The following GIGYF2 variants were observed in gnomAD, a reference collection of about 807,000 sequenced individuals.
The protein encoded by GIGYF2 is GRB10 interacting GYF protein 2, also known as GRB10-interacting GYF protein 2.
In GIGYF2, 25 loss-of-function variants were observed where a neutral mutation model predicts 208.1. The observed-to-expected ratio is 0.12, with a 90% confidence interval of 0.09 to 0.17. GIGYF2 has a LOEUF of 0.17. Among genes scored for constraint, GIGYF2 ranks in the 10% least tolerant of loss-of-function variants. The pLI, the probability that GIGYF2 is intolerant of heterozygous loss-of-function variation, is 1.00. For missense variants in GIGYF2, 1,302 were observed against 1,579.4 expected, an observed-to-expected ratio of 0.82 and a Z score of 2.98; for synonymous variants, 534 against 543.8, an observed-to-expected ratio of 0.98 and a Z score of 0.25.
intron 14 of GIGYF2, among the ~76,000 whole-genome samples, chr2:232,800,581 CTTTTTTTCTTTTT>C (rs144819526): frequency 0.35 from 52,655 of 149,800 alleles, 9,476 homozygotes; most frequent in South Asian, 0.63. Context: ...TTTTTCTTTT[CTTTTTTTCTTTTT>C]TTTTTTTTAA....
At chr2:232,829,315 A>C (rs1228124125) in intron 21 of GIGYF2, among the ~76,000 whole-genome samples, 1 of 152,148 alleles carries the variant, frequency 6.6e-6, no homozygotes, top group Non-Finnish European at 1.5e-5. Flanking sequence ...TAAGGTTGCC[A>C]TTCTAGTAGT....
chr2:232,801,834 G>A (rs1700408447), intron 14 of GIGYF2, among the ~76,000 whole-genome samples: 1 of 152,178 alleles, frequency 6.6e-6, no homozygotes, highest in Non-Finnish European at 1.5e-5. Flanking sequence ...GATTTTAATA[G>A]GGATTATCTT....
chr2:232,699,909 A>T (rs1302505459), intron 1 of GIGYF2, among the ~76,000 whole-genome samples: 1 of 152,146 alleles, frequency 6.6e-6, no homozygotes, highest in African/African-American at 2.4e-5. Context: ...TTATTCCTCC[A>T]CTTTTACCTT....
intron 23 of GIGYF2, among the ~76,000 whole-genome samples, chr2:232,840,572 G>A (rs1701785845): frequency 6.6e-6 from 1 of 152,094 alleles, no homozygotes; most frequent in South Asian, 2.1e-4. Flanking sequence ...TGTTTACTGA[G>A]TACCTACTCA....
intron 27 of GIGYF2, among the ~76,000 whole-genome samples, chr2:232,849,812 A>AG (rs1574954254): frequency 6.6e-6 from 1 of 152,222 alleles, no homozygotes; most frequent in African/African-American, 2.4e-5. Context: ...GATAGGAATA[A>AG]GGTACACGAC....
chr2:232,836,320 A>T (rs1288527069), intron 22 of GIGYF2, among the ~76,000 whole-genome samples: 22 of 26,492 alleles, frequency 8.3e-4, no homozygotes, highest in African/African-American at 2.3e-3. Flanking sequence ...ATATATATAT[A>T]TATATATATA....
At chr2:232,796,832 C>T (rs1700236451) in intron 14 of GIGYF2, among the ~76,000 whole-genome samples, 1 of 151,996 alleles carries the variant, frequency 6.6e-6, no homozygotes, top group Admixed American at 6.6e-5. Flanking sequence ...TGCACTGCAG[C>T]CTGGGTGACA....
In GIGYF2 at chr2:232,735,138, ATT is replaced by A; in HGVS notation, c.-43-13_-43-12del. The A allele has an allele frequency of 9.0e-7, 1 of 1,116,138 alleles. No individual in the cohort carries two copies. Among genetic ancestry groups the A allele is most frequent in the Non-Finnish European group, 1.4e-6 (1 of 730,726 alleles). 69.1% of individuals were successfully genotyped at this position (1,116,138 alleles called of 1,614,324 possible). ...TAATCTCAACTAATAGTATGGAGAT[ATT>A]TTTCTCGTTAACAGGTTTCTTCACA... On this transcript the variant is annotated splice_polypyrimidine_tract_variant and intron_variant, in intron 2 of 28. Transcript: ENST00000373563.
Position 232,761,434 on chromosome 2 carries a change from TA to T in GIGYF2, c.531del (p.Arg179AspfsTer12). 6.3e-7 allele frequency: 1 copy of T among 1,588,192 alleles called. No homozygotes were observed. The highest frequency in any genetic ancestry group is 8.6e-7 in the Non-Finnish European group (1 of 1,156,738). Reference sequence around the variant, plus strand: ...TTTGAAAAACCAGGACGAAAAGATGTAGGTAAGGTTCTTACCTACACACATA... The same window carrying T: ...TTTGAAAAACCAGGACGAAAAGATGTGGTAAGGTTCTTACCTACACACATA... ...RRFEKPGRKD[V>X]GRPNFEEGGP... On this transcript the variant is annotated frameshift_variant and splice_region_variant, in exon 8 of 29. Coordinates refer to ENST00000373563, the MANE Select transcript of GIGYF2 (RefSeq NM_001103146.3). LOFTEE classifies it high-confidence loss of function.
At chr2:232,849,209 A>G (rs982523504) in intron 27 of GIGYF2, among the ~76,000 whole-genome samples, 7 of 152,110 alleles carry the variant, frequency 4.6e-5, no homozygotes, top group African/African-American at 1.7e-4. Flanking sequence ...CTGTTGCCCA[A>G]GCTGGAGTGC....
chr2:232,706,744 C>A (rs1437598459), intron 2 of GIGYF2, among the ~76,000 whole-genome samples: 2 of 152,162 alleles, frequency 1.3e-5, no homozygotes, highest in Admixed American at 1.3e-4. Flanking sequence ...TGAGCCACTG[C>A]ACTCCAGCCT....
chr2:232,784,566 A>G (rs947496642), intron 8 of GIGYF2, among the ~76,000 whole-genome samples: 1 of 147,310 alleles, frequency 6.8e-6, no homozygotes, highest in African/African-American at 2.5e-5. Context: ...AATTTTTTCT[A>G]TTTTTAGTAG....
chr2:232,853,574 G>C (rs1273606769), intron 28 of GIGYF2, among the ~76,000 whole-genome samples: 1 of 152,174 alleles, frequency 6.6e-6, no homozygotes, highest in East Asian at 1.9e-4. Flanking sequence ...TGCCCGGCTG[G>C]CTTCCTCTTT....
At position 232,755,045 on chromosome 2, in the gene GIGYF2, ACTTC is replaced by A. The variant is rs1698479706; in HGVS notation, c.268-1177_268-1174del. Among the ~76,000 whole-genome samples, 35 of 152,330 alleles carry A rather than the reference ACTTC, an allele frequency of 2.3e-4. No homozygotes were observed. The South Asian group carries it at 7.2e-3, about 32-fold the overall frequency. On this transcript the variant is annotated intron_variant, in intron 5 of 28. Coordinates refer to ENST00000373563, the MANE Select transcript of GIGYF2 (RefSeq NM_001103146.3). ...GAAGTTTTTTAACGATTAGATGTTG[ACTTC>A]TTCAAAAGAAGGTGGTATAGACATC...
chr2:232,842,354 G>C (rs1701846255), intron 23 of GIGYF2, among the ~76,000 whole-genome samples: 1 of 152,110 alleles, frequency 6.6e-6, no homozygotes, highest in African/African-American at 2.4e-5. Flanking sequence ...ACCACACCTG[G>C]CCCTGTTGAG....
At chr2:232,719,955 A>G (rs1696862540) in intron 2 of GIGYF2, among the ~76,000 whole-genome samples, 1 of 152,198 alleles carries the variant, frequency 6.6e-6, no homozygotes, top group Non-Finnish European at 1.5e-5. Flanking sequence ...CATGTGCACA[A>G]CGTGCAGTTT....
chr2:232,753,578 G>C (rs887470344), intron 5 of GIGYF2, among the ~76,000 whole-genome samples: 1 of 152,080 alleles, frequency 6.6e-6, no homozygotes, highest in Non-Finnish European at 1.5e-5. Context: ...TTTAACCTAA[G>C]CATCTAAGAG....
rs1169950823 is a variant in GIGYF2, at chr2:232,724,185, G to T, written c.-43-10970G>T. ...CCTTCTGAGTAGCTGAGATTAACAGGCGCCCGCTGCCACACCTGGCTATTT... is the reference window on the plus strand; with the variant it reads ...CCTTCTGAGTAGCTGAGATTAACAGTCGCCCGCTGCCACACCTGGCTATTT... On this transcript the variant is annotated intron_variant, in intron 2 of 28. Transcript: ENST00000373563. Among the ~76,000 whole-genome samples, 4 of 149,826 alleles carry T rather than the reference G, an allele frequency of 2.7e-5. No homozygotes were observed. In the East Asian group the frequency reaches 7.9e-4, roughly 29 times the overall value.
intron 10 of GIGYF2, 30 bp downstream of exon 10, chr2:232,790,945 A>G (rs1700052096): frequency 1.9e-6 from 3 of 1,611,902 alleles, no homozygotes; most frequent in African/African-American, 2.7e-5. Context: ...TGTCATGACC[A>G]GCATTAACCT....
Sources: gnomAD v4.1 joint callset for allele counts (sites outside exome capture counted in the v4.1 genomes callset) on GRCh38, gnomAD v4.1.1 for gene constraint, MANE v1.5 for transcripts, NCBI Gene and HGNC (gene_info 2026-07-23, HGNC 2026-07-21) for gene names.